TCERG1L: variants seen among roughly 807,000 people sequenced by gnomAD.
TCERG1L encodes transcription elongation regulator 1-like protein.
Under a neutral mutation model 56.3 loss-of-function variants are expected in TCERG1L, and 37 were observed. That is an observed-to-expected ratio of 0.66 (90% confidence interval 0.51 to 0.87). The LOEUF (loss-of-function observed/expected upper bound fraction) is 0.87, where lower values mean the gene tolerates loss of function less well. Ranked by LOEUF, TCERG1L falls within the 40% of genes least tolerant of loss-of-function variation. TCERG1L has a pLI of 0.00. For missense variants in TCERG1L, 799 were observed against 774.2 expected, an observed-to-expected ratio of 1.03 and a Z score of -0.38; for synonymous variants, 324 against 326.3, an observed-to-expected ratio of 0.99 and a Z score of 0.08.
At chr10:131,277,764 G>T (rs563863805) in intron 3 of TCERG1L, among the ~76,000 whole-genome samples, 1 of 152,330 alleles carries the variant, frequency 6.6e-6, no homozygotes, top group Non-Finnish European at 1.5e-5. Flanking sequence ...AGGAAGCAGG[G>T]ATGAGCCCTG....
intron 7 of TCERG1L, among the ~76,000 whole-genome samples, chr10:131,135,212 C>G (rs190086745): frequency 6.6e-6 from 1 of 152,112 alleles, no homozygotes; most frequent in South Asian, 2.1e-4. Flanking sequence ...CTACCTCTGG[C>G]TTATTCCGCC....
At chr10:131,226,373 G>A (rs546314853) in intron 4 of TCERG1L, among the ~76,000 whole-genome samples, 1 of 152,146 alleles carries the variant, frequency 6.6e-6, no homozygotes, top group East Asian at 1.9e-4. Context: ...CTCCATGCCC[G>A]GCTACCAATT....
rs1382657856 is a variant in TCERG1L, at chr10:131,248,227, TCACACACACAC to T, written c.856+12021_856+12031del. On this transcript the variant is annotated intron_variant, in intron 4 of 11. Transcript: ENST00000368642. The stretch of plus-strand genomic sequence containing the variant: ...CACACACAACTCTCTCACACACAAC[TCACACACACAC>T]GACTCACACACACTGATAAACTCAC... 4.3e-3 allele frequency among the ~76,000 whole-genome samples: 618 copies of T among 143,842 alleles called. 6 individuals are homozygous for T. Among genetic ancestry groups the T allele is most frequent in the African/African-American group, 0.014 (525 of 37,332 alleles). The allele number at this position is 143,842 out of a possible 152,430, so 94.4% of individuals were successfully genotyped here. A position where few individuals can be genotyped will look rare whatever the true frequency, so the allele number is the denominator to read the frequency against.
At position 131,146,641 on chromosome 10, in the gene TCERG1L, C is replaced by T. The variant is rs1256394233; in HGVS notation, c.1054G>A (p.Asp352Asn). 2 of 1,613,450 alleles carry T rather than the reference C, an allele frequency of 1.2e-6. No homozygotes were observed. The highest frequency in any genetic ancestry group is 1.7e-6 in the Non-Finnish European group (2 of 1,179,670). The part of the protein sequence containing the change: ...GSPWCVVWTG[D>N]DRVFFFNPTM... ...GGGTTGAAGAAGAAAACTCGGTCAT[C>T]GCCCGTCCAGACCACACACCTGTTT... is the stretch of plus-strand genomic sequence containing the variant. Residue 352 changes from aspartate (D) to asparagine (N), a missense_variant, in exon 7 of 12, where the codon GAT becomes AAT. Physicochemically the swap from Asp to Asn is conservative, Grantham distance 23. Transcript: ENST00000368642.
intron 3 of TCERG1L, among the ~76,000 whole-genome samples, chr10:131,264,353 C>T (rs552262858): frequency 6.6e-6 from 1 of 152,270 alleles, no homozygotes; most frequent in South Asian, 2.1e-4. Flanking sequence ...AAGGGGCTGT[C>T]GAAGACCACC....
intron 3 of TCERG1L, among the ~76,000 whole-genome samples, chr10:131,291,425 T>C (rs1367290779): frequency 2.2e-5 from 2 of 91,564 alleles, no homozygotes; most frequent in African/African-American, 9.5e-5. Flanking sequence ...TTTTTTTTTT[T>C]TTTTTTTTTT....
At chr10:131,262,146 C>A (rs1032512351) in intron 3 of TCERG1L, among the ~76,000 whole-genome samples, 8 of 152,104 alleles carry the variant, frequency 5.3e-5, no homozygotes, top group Admixed American at 3.9e-4. Context: ...CCAAGCGAGG[C>A]GAGCCACAGG....
chr10:131,177,501 G>C (rs1845115736), intron 4 of TCERG1L, among the ~76,000 whole-genome samples: 2 of 152,374 alleles, frequency 1.3e-5, no homozygotes, highest in Admixed American at 1.3e-4. Flanking sequence ...TCTCTGATGA[G>C]AACTGTGTGT....
intron 4 of TCERG1L, among the ~76,000 whole-genome samples, chr10:131,253,895 A>AGTG (rs1846140001): frequency 6.6e-6 from 1 of 152,196 alleles, no homozygotes; most frequent in South Asian, 2.1e-4. Context: ...GTGACATGCC[A>AGTG]GTGGGGGAGA....
Position 131,179,570 on chromosome 10 carries a change from G to A in TCERG1L, c.857-12685C>T, listed in dbSNP as rs368437844. 1.5e-4 allele frequency among the ~76,000 whole-genome samples: 23 copies of A among 152,272 alleles called. No homozygotes were observed. The East Asian group carries it at 4.1e-3, about 27-fold the overall frequency. On this transcript the variant is annotated intron_variant, in intron 4 of 11. Coordinates refer to ENST00000368642, the MANE Select transcript of TCERG1L (RefSeq NM_174937.4). ...CCAGGGGGACTGAGCCAGCCCAGCC[G>A]TGTGACCCTGCAAAGTTCACACAAA...
intron 6 of TCERG1L, 135 bp downstream of exon 6, chr10:131,162,987 C>G: frequency 1.6e-6 from 1 of 632,390 alleles, no homozygotes; most frequent in Admixed American, 3.5e-5. Context: ...ATTACACCTG[C>G]CGGGAGTTGC....
At chr10:131,093,356 A>T in intron 11 of TCERG1L, 38 bp from the exon 12 acceptor site, 5 of 1,606,458 alleles carry the variant, frequency 3.1e-6, no homozygotes, top group Non-Finnish European at 4.3e-6. Flanking sequence ...CCTTCCAGAG[A>T]GCAACTCTGG....
chr10:131,242,952 A>C (rs905457470), intron 4 of TCERG1L, among the ~76,000 whole-genome samples: 6 of 152,228 alleles, frequency 3.9e-5, no homozygotes, highest in African/African-American at 1.4e-4. Flanking sequence ...AGAAAGTTGA[A>C]GAAATAGGGA....
At chr10:131,288,139 G>GC (rs1370929241) in intron 3 of TCERG1L, among the ~76,000 whole-genome samples, 1 of 152,182 alleles carries the variant, frequency 6.6e-6, no homozygotes, top group African/African-American at 2.4e-5. Context: ...GCCACCACAA[G>GC]CCTGCCAGTC....
chr10:131,232,563 A>G (rs866132203), intron 4 of TCERG1L, among the ~76,000 whole-genome samples: 2 of 152,264 alleles, frequency 1.3e-5, no homozygotes, highest in African/African-American at 4.8e-5. Context: ...AATGGGTAAG[A>G]GAGGTTGATG....
chr10:131,242,393 G>A (rs1243487923), intron 4 of TCERG1L, among the ~76,000 whole-genome samples: 2 of 152,152 alleles, frequency 1.3e-5, no homozygotes, highest in African/African-American at 4.8e-5. Flanking sequence ...CTGGCTGGAC[G>A]AACAGGCAGA....
intron 4 of TCERG1L, among the ~76,000 whole-genome samples, chr10:131,247,700 T>C (rs1456533342): frequency 6.6e-6 from 1 of 152,178 alleles, no homozygotes; most frequent in Non-Finnish European, 1.5e-5. Context: ...GTCCCCATCA[T>C]CCATCCTTGA....
chr10:131,205,373 A>G (rs1007855327), intron 4 of TCERG1L, among the ~76,000 whole-genome samples: 2 of 152,082 alleles, frequency 1.3e-5, no homozygotes, highest in African/African-American at 4.8e-5. Context: ...GTAAAAAAAA[A>G]AAAAAACAGC....
intron 3 of TCERG1L, among the ~76,000 whole-genome samples, chr10:131,306,001 A>C (rs1846815375): frequency 1.3e-5 from 2 of 152,160 alleles, no homozygotes; most frequent in Admixed American, 6.5e-5. Context: ...TTTAGTAATT[A>C]CAGCATATAT....
Sources: allele counts gnomAD v4.1 joint callset (sites outside exome capture counted in the v4.1 genomes callset), GRCh38; gene constraint gnomAD v4.1.1; transcripts MANE v1.5; gene names NCBI Gene and HGNC (gene_info 2026-07-23, HGNC 2026-07-21).